ACVR1C: variants seen among roughly 807,000 people sequenced by gnomAD.
The protein encoded by ACVR1C is activin A receptor type 1C.
A neutral mutation model predicts 57.9 loss-of-function variants in ACVR1C; 23 were observed. The observed-to-expected ratio is 0.40, with a 90% CI of 0.29 to 0.56. The LOEUF is 0.56. Ranked by LOEUF, ACVR1C falls within the 20% of genes least tolerant of loss-of-function variation. ACVR1C has a pLI of 0.50. For missense variants in ACVR1C, 480 were observed against 607.9 expected (o/e 0.79, Z 2.21); for synonymous variants, 214 against 215.3 (o/e 0.99, Z 0.05).
intron 8 of ACVR1C, among the ~76,000 whole-genome samples, chr2:157,536,562 A>G (rs1380114641): frequency 6.6e-5 from 10 of 152,296 alleles, no homozygotes; most frequent in Admixed American, 6.5e-4. Context: ...TAGACAAACC[A>G]TTTGTTCAAG....
In ACVR1C at chr2:157,587,326, T is replaced by C. The variant is rs202044333; in HGVS notation, c.165A>G (p.Gly55=). 6.2e-6 allele frequency: 10 copies of C among 1,613,734 alleles called. No homozygotes were observed. The East Asian group carries it at 1.3e-4, about 22-fold the overall frequency. The change falls in exon 2 of 9, where the codon GGA becomes GGG. Residue 55 remains glycine, a synonymous_variant. Coordinates refer to ENST00000243349, the MANE Select transcript of ACVR1C (RefSeq NM_145259.3). ...CACAGGATTTGATCACCTGCTCTTTTCCATTGGTTAGCATGACTGATGCCC... is the reference window on the plus strand; with the variant it reads ...CACAGGATTTGATCACCTGCTCTTTCCCATTGGTTAGCATGACTGATGCCC... ...ACWASVMLTN[G]KEQVIKSCVS...
chr2:157,613,906 C>T (rs1248095068), intron 1 of ACVR1C, among the ~76,000 whole-genome samples: 1 of 152,132 alleles, frequency 6.6e-6, no homozygotes, highest in Non-Finnish European at 1.5e-5. Context: ...TCCACTTGCA[C>T]ATTCTGGAAG....
intron 4 of ACVR1C, 46 bp downstream of exon 4, chr2:157,550,116 C>G: frequency 2.5e-6 from 4 of 1,570,194 alleles, no homozygotes; most frequent in Non-Finnish European, 3.5e-6. Flanking sequence ...GAGTCTCGCT[C>G]TAGACAGCAT....
At chr2:157,552,387 C>T (rs1327749063) in intron 3 of ACVR1C, among the ~76,000 whole-genome samples, 2 of 152,236 alleles carry the variant, frequency 1.3e-5, no homozygotes, top group South Asian at 2.1e-4. Context: ...CCTGCCTCGG[C>T]CTCCCAAAGT....
intron 6 of ACVR1C, among the ~76,000 whole-genome samples, chr2:157,541,722 C>T (rs1218500722): frequency 6.6e-6 from 1 of 152,172 alleles, no homozygotes; most frequent in Non-Finnish European, 1.5e-5. Context: ...GAATAAACTG[C>T]CCGGAAGTGT....
At chr2:157,549,796 T>C (rs1378879760) in intron 4 of ACVR1C, among the ~76,000 whole-genome samples, 1 of 117,964 alleles carries the variant, frequency 8.5e-6, no homozygotes, top group Non-Finnish European at 1.6e-5. Context: ...CCATCCTGGC[T>C]AACACGGTGA....
chr2:157,564,877 T>G (rs2105233541), intron 2 of ACVR1C, among the ~76,000 whole-genome samples: 2 of 152,204 alleles, frequency 1.3e-5, no homozygotes, highest in Admixed American at 1.3e-4. Context: ...ACACCACATA[T>G]TCTCACTTAT....
At chr2:157,601,242 G>A (rs1452500423) in intron 1 of ACVR1C, among the ~76,000 whole-genome samples, 12 of 151,924 alleles carry the variant, frequency 7.9e-5, no homozygotes, top group Non-Finnish European at 1.5e-4. Context: ...ACTTGAACCC[G>A]GGAGGCGGAG....
intron 2 of ACVR1C, among the ~76,000 whole-genome samples, chr2:157,566,733 G>A (rs1259668935): frequency 2.6e-5 from 4 of 151,706 alleles, no homozygotes; most frequent in Non-Finnish European, 4.4e-5. Flanking sequence ...CTCGCTGATT[G>A]CTAGCACAGC....
intron 1 of ACVR1C, among the ~76,000 whole-genome samples, chr2:157,602,655 A>C (rs1420943880): frequency 6.6e-6 from 1 of 152,216 alleles, no homozygotes; most frequent in Admixed American, 6.5e-5. Context: ...CAAATCAAGT[A>C]ATATCCTCCT....
intron 1 of ACVR1C, among the ~76,000 whole-genome samples, chr2:157,601,597 A>AT (rs566178912): frequency 6.6e-6 from 1 of 152,322 alleles, no homozygotes; most frequent in South Asian, 2.1e-4. Context: ...GTGATATAAA[A>AT]CAAAACAAAA....
chr2:157,582,969 C>A (rs1018987465), intron 2 of ACVR1C, among the ~76,000 whole-genome samples: 4 of 152,188 alleles, frequency 2.6e-5, no homozygotes, highest in African/African-American at 9.6e-5. Flanking sequence ...GCAACCTCTG[C>A]CTCCTGGGTT....
chr2:157,618,056 A>C (rs1182221607), intron 1 of ACVR1C, among the ~76,000 whole-genome samples: 3 of 151,918 alleles, frequency 2.0e-5, no homozygotes, highest in Non-Finnish European at 2.9e-5. Context: ...CAAAGCAATG[A>C]AGAGTACTAA....
intron 1 of ACVR1C, among the ~76,000 whole-genome samples, chr2:157,605,400 T>A (rs1434760853): frequency 1.3e-5 from 2 of 151,774 alleles, no homozygotes. Flanking sequence ...AATTTTAGAA[T>A]CACCTTGGTG....
chr2:157,559,934 AAGAG>A (rs369378146), intron 2 of ACVR1C, among the ~76,000 whole-genome samples: 4 of 151,662 alleles, frequency 2.6e-5, no homozygotes, highest in Admixed American at 6.6e-5. Flanking sequence ...GGAAAAAGGA[AAGAG>A]AGAGAGAAGC....
rs1259216301 is a variant in ACVR1C, at chr2:157,531,121, A to G, written c.*2797T>C. Reference sequence around the variant, plus strand: ...ATGTAAAAGAAATAAATATTACACAATGGGACTCCATTAAAAACAATATAA... The same window carrying G: ...ATGTAAAAGAAATAAATATTACACAGTGGGACTCCATTAAAAACAATATAA... On this transcript the variant is annotated 3_prime_UTR_variant, in exon 9 of 9. Transcript: ENST00000243349. The G allele has an allele frequency of 6.6e-6, 1 of 151,944 alleles. No homozygotes were observed. Among genetic ancestry groups the G allele is most frequent in the Non-Finnish European group, 1.5e-5 (1 of 67,892 alleles). 9.4% of individuals were successfully genotyped at this position (151,944 alleles called of 1,614,324 possible).
At chr2:157,621,679 G>A (rs115191209) in intron 1 of ACVR1C, among the ~76,000 whole-genome samples, 2,526 of 152,242 alleles carry the variant, frequency 0.017, 41 homozygotes, top group Non-Finnish European at 0.026. Flanking sequence ...CCCTCACCTA[G>A]CAGTCGCCCC....
At position 157,587,432 on chromosome 2, in the gene ACVR1C, G is replaced by T; in HGVS notation, c.74-15C>A. ...ACACTTCAGTCCTGGAAAGAGTAAGGCAAAAAGATTTAAAATACAAAAGAC... is the reference window on the plus strand; with the variant it reads ...ACACTTCAGTCCTGGAAAGAGTAAGTCAAAAAGATTTAAAATACAAAAGAC... On this transcript the variant is annotated splice_polypyrimidine_tract_variant and intron_variant, in intron 1 of 8. Coordinates refer to ENST00000243349, the MANE Select transcript of ACVR1C (RefSeq NM_145259.3). 6.4e-7 allele frequency: 1 copy of T among 1,562,654 alleles called. No homozygotes were observed. Among genetic ancestry groups the T allele is most frequent in the Non-Finnish European group, 8.8e-7 (1 of 1,135,186 alleles).
At chr2:157,611,177 T>C (rs1202626133) in intron 1 of ACVR1C, among the ~76,000 whole-genome samples, 2 of 152,236 alleles carry the variant, frequency 1.3e-5, no homozygotes, top group African/African-American at 4.8e-5. Flanking sequence ...TTTCCTTTTG[T>C]AGGAGAGGAC....
Sources: gnomAD v4.1 joint callset for allele counts (sites outside exome capture counted in the v4.1 genomes callset) on GRCh38, gnomAD v4.1.1 for gene constraint, MANE v1.5 for transcripts, NCBI Gene and HGNC (gene_info 2026-07-23, HGNC 2026-07-21) for gene names.